The following SYMPK variants were observed in gnomAD, a reference collection of about 807,000 sequenced individuals.
SYMPK encodes the protein symplekin scaffold protein, also known as symplekin.
SYMPK carries 49 observed loss-of-function variants against 136.4 expected under a neutral mutation model. The ratio of observed to expected loss-of-function variants is 0.36; its 90% CI spans 0.29 to 0.46. The LOEUF (loss-of-function observed/expected upper bound fraction) is 0.46. SYMPK is among the 20% of genes least tolerant of loss of function. The probability of loss-of-function intolerance (pLI) is 1.00; values close to 1 mark genes in which losing one functional copy is unlikely to be tolerated. For missense variants in SYMPK, 1,365 were observed against 1,690.0 expected (o/e 0.81, Z 3.37); for synonymous variants, 766 against 713.0 (o/e 1.07, Z -1.19).
intron 12 of SYMPK, chr19:45,831,061 CGAGTATCTA>C (rs1971157916): frequency 4.6e-6 from 1 of 215,426 alleles, no homozygotes; most frequent in African/African-American, 2.3e-5. Flanking sequence ...ACTTTTCACT[CGAGTATCTA>C]GTTACCTAAC....
chr19:45,817,036 A>T, intron 23 of SYMPK, 62 bp from the exon 24 acceptor site: 3 of 1,501,428 alleles, frequency 2.0e-6, no homozygotes, highest in Non-Finnish European at 2.7e-6. Context: ...GAGCCTTGAC[A>T]CTGGGAGAAA....
intron 1 of SYMPK, among the ~76,000 whole-genome samples, chr19:45,860,611 T>C (rs960518591): frequency 2.6e-5 from 4 of 152,202 alleles, no homozygotes; most frequent in Non-Finnish European, 5.9e-5. Context: ...AATTAATATG[T>C]ATATATTAGA....
intron 7 of SYMPK, among the ~76,000 whole-genome samples, chr19:45,847,035 C>G (rs1272844303): frequency 6.6e-6 from 1 of 152,056 alleles, no homozygotes; most frequent in African/African-American, 2.4e-5. Context: ...CCCAAGTGAT[C>G]TGCCTGCCTT....
At chr19:45,843,957 AAAAAAAAAAAAAAG>A in intron 8 of SYMPK, 59 bp downstream of exon 8, 2 of 1,028,194 alleles carry the variant, frequency 1.9e-6, no homozygotes, top group African/African-American at 1.7e-5. Context: ...AAAAAAAAAA[AAAAAAAAAAAAAAG>A]AAAGAGCAGA....
intron 23 of SYMPK, 56 bp downstream of exon 23, chr19:45,817,903 G>A: frequency 1.3e-6 from 2 of 1,482,336 alleles, no homozygotes; most frequent in African/African-American, 1.4e-5. Flanking sequence ...GGGAGGGCAA[G>A]CAGGCTAGAA....
At chr19:45,831,191 G>A (rs1344030087) in intron 12 of SYMPK, 193 bp downstream of exon 12, 8 of 383,142 alleles carry the variant, frequency 2.1e-5, no homozygotes, top group Admixed American at 1.4e-4. Context: ...TTTTTTTACA[G>A]GAAAGAGAAC....
At chr19:45,852,254 C>A (rs547662944) in intron 5 of SYMPK, 58 bp downstream of exon 5, 126 of 1,594,534 alleles carry the variant, frequency 7.9e-5, no homozygotes, top group Non-Finnish European at 1.0e-4. Context: ...GGCCAGGCCA[C>A]GAGCTGAAGG....
Position 45,848,735 on chromosome 19 carries a change from G to A in SYMPK, c.426+15C>T, listed in dbSNP as rs1388423640. ...TATCAGGCAGGATGGCCCTGGGTGG[G>A]GAGGGCGCTCTCACCTGCAGGGCCA... On this transcript the variant is annotated intron_variant, in intron 6 of 26. Coordinates refer to ENST00000245934, the MANE Select transcript of SYMPK (RefSeq NM_004819.3). The A allele has an allele frequency of 5.0e-6, 8 of 1,613,018 alleles. No homozygotes were observed. The highest frequency in any genetic ancestry group is 6.8e-6 in the Non-Finnish European group (8 of 1,179,988).
rs1183122152 is a variant in SYMPK, at chr19:45,854,527, AGGATGGATCAAGCTCAG to A, written c.-12-37_-12-21del. On this transcript the variant is annotated intron_variant, in intron 1 of 26. Transcript: ENST00000245934. ...TGTCAGCTTGTCCCCAGGAAAGAAGAGGATGGATCAAGCTCAGGGAACCAGCGGATGGGCTGGGCTGG... is the reference window on the plus strand; with the variant it reads ...TGTCAGCTTGTCCCCAGGAAAGAAGAGGAACCAGCGGATGGGCTGGGCTGG... 4.4e-6 allele frequency: 7 copies of A among 1,600,032 alleles called. No individual in the cohort carries two copies. The highest frequency in any genetic ancestry group is 6.0e-6 in the Non-Finnish European group (7 of 1,169,574).
chr19:45,834,771 C>T (rs1971264584), intron 11 of SYMPK, among the ~76,000 whole-genome samples: 1 of 152,190 alleles, frequency 6.6e-6, no homozygotes, highest in Non-Finnish European at 1.5e-5. Flanking sequence ...GTGTATCACA[C>T]ATTAATAGTA....
chr19:45,826,092 C>G (rs1971037346), intron 17 of SYMPK, 134 bp downstream of exon 17: 2 of 1,360,826 alleles, frequency 1.5e-6, no homozygotes, highest in African/African-American at 1.4e-5. Context: ...CCCACAGCCC[C>G]CAGGTGGCTG....
In SYMPK at chr19:45,815,644, G is replaced by T. The variant is rs146574843; in HGVS notation, c.3741C>A (p.Leu1247=). The T allele has an allele frequency of 6.2e-7, 1 of 1,610,378 alleles. No homozygotes were observed. Among genetic ancestry groups the T allele is most frequent in the East Asian group, 2.2e-5 (1 of 44,780 alleles). The change falls in exon 27 of 27, where the codon CTC becomes CTA. Residue 1247 remains leucine (L), a synonymous_variant. Coordinates refer to ENST00000245934, the MANE Select transcript of SYMPK (RefSeq NM_004819.3). ...TCATAGCATCTTCTCCAACAGGTGC[G>T]AGGGTCTGGGGGCTCCGCTCCTCCT... ...TLKEERSPQT[L]APVGEDAMKT...
chr19:45,852,161 A>T, intron 5 of SYMPK, 151 bp downstream of exon 5: 1 of 778,012 alleles, frequency 1.3e-6, no homozygotes, highest in Non-Finnish European at 2.2e-6. Context: ...CCATCTTATT[A>T]AGTATTTGCT....
At chr19:45,862,386 G>A (rs1305194365) in intron 1 of SYMPK, 1 of 152,196 alleles carries the variant, frequency 6.6e-6, no homozygotes, top group East Asian at 1.9e-4. Flanking sequence ...CTGGCTCTAG[G>A]AGTATCTTTT....
At chr19:45,827,485 G>A (rs373621443) in intron 16 of SYMPK, 25 bp downstream of exon 16, 1 of 1,582,660 alleles carries the variant, frequency 6.3e-7, no homozygotes, top group African/African-American at 1.3e-5. Context: ...GCTGAGGGCA[G>A]CCAGGAAGTG....
At chr19:45,843,783 A>G (rs1256475179) in intron 8 of SYMPK, among the ~76,000 whole-genome samples, 4 of 151,948 alleles carry the variant, frequency 2.6e-5, no homozygotes, top group Non-Finnish European at 5.9e-5. Context: ...CGTCTCTACT[A>G]AAAGTAAACA....
Position 45,827,677 on chromosome 19 carries a change from C to T in SYMPK, c.2068-54G>A. On this transcript the variant is annotated intron_variant, in intron 15 of 26. Coordinates refer to ENST00000245934, the MANE Select transcript of SYMPK (RefSeq NM_004819.3). Reference sequence around the variant, plus strand: ...CAGCCCACCTGAGTGTGCCTCTGGGCTCTGTCTTTCCTGCCTGCCTCTGAT... The same window carrying T: ...CAGCCCACCTGAGTGTGCCTCTGGGTTCTGTCTTTCCTGCCTGCCTCTGAT... 3 of 1,551,724 alleles carry T rather than the reference C, an allele frequency of 1.9e-6. No individual in the cohort carries two copies. The South Asian group carries it at 3.3e-5, about 17-fold the overall frequency.
At position 45,822,805 on chromosome 19, in the gene SYMPK, G is replaced by T; in HGVS notation, c.2742C>A (p.Asn914Lys). ...IQALPKLIKL[N>K]PIVVKEVFNR... ...TGAAGACTTCCTTCACCACGATGGG[G>T]TTGAGTTTGATGAGTTTAGGCAGGG... is the stretch of plus-strand genomic sequence containing the variant. Residue 914 changes from asparagine to lysine, a missense_variant, in exon 21 of 27, where the codon AAC (asparagine) becomes AAA (lysine). By Grantham distance (94) the Asn-to-Lys change is moderately conservative (BLOSUM62 0). Transcript: ENST00000245934. 6.2e-7 allele frequency: 1 copy of T among 1,614,104 alleles called. No homozygotes were observed.
Position 45,848,885 on chromosome 19 carries a change from T to A in SYMPK, c.300-9A>T. 1 of 1,613,540 alleles carries A rather than the reference T, an allele frequency of 6.2e-7. No individual in the cohort carries two copies. Among genetic ancestry groups the A allele is most frequent in the Non-Finnish European group, 8.5e-7 (1 of 1,179,886 alleles). ...ACTCAATGTCTCGCTTGCTGAGGGA[T>A]GGAGAAAAAAGGGGCGAGGTCAAGG... On this transcript the variant is annotated splice_polypyrimidine_tract_variant and intron_variant, in intron 5 of 26. Coordinates refer to ENST00000245934, the MANE Select transcript of SYMPK (RefSeq NM_004819.3).
Sources: gnomAD v4.1 joint callset for allele counts (sites outside exome capture counted in the v4.1 genomes callset) on GRCh38, gnomAD v4.1.1 for gene constraint, MANE v1.5 for transcripts, NCBI Gene and HGNC (gene_info 2026-07-23, HGNC 2026-07-21) for gene names.